The following EEFSEC variants were observed in gnomAD, a reference collection of about 807,000 sequenced individuals.
The protein encoded by EEFSEC is selenocysteine-specific elongation factor.
A neutral mutation model predicts 42.1 loss-of-function variants in EEFSEC; 43 were observed. The observed-to-expected ratio is 1.02, with a 90% CI of 0.80 to 1.32. EEFSEC has a LOEUF of 1.32. EEFSEC is among the 40% of genes most tolerant of loss of function. EEFSEC has a pLI of 0.00. For synonymous variants in EEFSEC, 354 were observed against 339.1 expected, an observed-to-expected ratio of 1.04 and a Z score of -0.48; for missense variants, 745 against 803.6, an observed-to-expected ratio of 0.93 and a Z score of 0.88.
intron 1 of EEFSEC, among the ~76,000 whole-genome samples, chr3:128,196,858 G>A (rs1446230055): frequency 1.3e-5 from 2 of 152,146 alleles, no homozygotes; most frequent in Non-Finnish European, 2.9e-5. Flanking sequence ...CACAGTGTGG[G>A]GCATGCACTC....
chr3:128,334,686 C>T (rs911131679), intron 4 of EEFSEC, among the ~76,000 whole-genome samples: 6 of 152,268 alleles, frequency 3.9e-5, no homozygotes, highest in South Asian at 4.1e-4. Flanking sequence ...TTAGCAAGCA[C>T]GAACTTGAGT....
chr3:128,226,208 G>T (rs943187253), intron 1 of EEFSEC, among the ~76,000 whole-genome samples: 3 of 152,152 alleles, frequency 2.0e-5, no homozygotes, highest in African/African-American at 7.2e-5. Flanking sequence ...GGAGCTTGAC[G>T]AAGCTAGACA....
chr3:128,418,056 C>T, the EEFSEC span, among the ~76,000 whole-genome samples: 15 of 152,084 alleles, frequency 9.9e-5, no homozygotes, highest in African/African-American at 2.7e-4. Context: ...GCCCTTACCT[C>T]GGCATTCTGG....
chr3:128,339,849 C>T (rs980072616), intron 4 of EEFSEC, among the ~76,000 whole-genome samples: 25 of 152,184 alleles, frequency 1.6e-4, no homozygotes, highest in Non-Finnish European at 4.4e-5. Context: ...AGGCGAAAGG[C>T]ACGTCTTACA....
At chr3:128,386,399 T>TTCTG (rs1257086078) in intron 6 of EEFSEC, among the ~76,000 whole-genome samples, 2 of 152,122 alleles carry the variant, frequency 1.3e-5, no homozygotes, top group African/African-American at 4.8e-5. Context: ...AAGCAGGGTG[T>TTCTG]TCTGTCCATG....
chr3:128,275,938 GC>G (rs2066463712), intron 4 of EEFSEC, among the ~76,000 whole-genome samples: 1 of 152,188 alleles, frequency 6.6e-6, no homozygotes, highest in Admixed American at 6.5e-5. Context: ...AAGCACAGCT[GC>G]ACCCTGGAAT....
intron 6 of EEFSEC, among the ~76,000 whole-genome samples, chr3:128,376,432 G>A (rs991623694): frequency 3.9e-5 from 6 of 152,138 alleles, no homozygotes; most frequent in Admixed American, 6.5e-5. Flanking sequence ...GGCCAGCTTC[G>A]CTTCCTGAGC....
At chr3:128,421,448 A>C in the EEFSEC span, among the ~76,000 whole-genome samples, 1 of 151,974 alleles carries the variant, frequency 6.6e-6, no homozygotes, top group South Asian at 2.1e-4. Flanking sequence ...GGGGGTCCCA[A>C]GAACCGGGAT....
At chr3:128,264,520 T>A in intron 3 of EEFSEC, 97 bp from the exon 4 acceptor site, 1 of 1,416,460 alleles carries the variant, frequency 7.1e-7, no homozygotes, top group Non-Finnish European at 9.7e-7. Context: ...TTGGCAGCCT[T>A]GATGAACTGC....
chr3:128,387,636 A>T (rs572664823), intron 6 of EEFSEC, among the ~76,000 whole-genome samples: 131 of 152,228 alleles, frequency 8.6e-4, no homozygotes, highest in South Asian at 4.2e-3. Context: ...ATGGACTGGC[A>T]CGAAGAAGGA....
chr3:128,209,993 G>A lies in EEFSEC; in HGVS notation c.317-36843G>A, dbSNP rs906960822. 3.9e-5 allele frequency among the ~76,000 whole-genome samples: 6 copies of A among 152,240 alleles called. No homozygotes were observed. In the East Asian group the frequency reaches 9.6e-4, roughly 24 times the overall value. ...GGCAGTGGGGAACCACTGAAGGCTTGTAAACAGGAGCACCTTTCTTTGCTT... is the reference window on the plus strand; with the variant it reads ...GGCAGTGGGGAACCACTGAAGGCTTATAAACAGGAGCACCTTTCTTTGCTT... On this transcript the variant is annotated intron_variant, in intron 1 of 6. Transcript: ENST00000254730.
intron 4 of EEFSEC, among the ~76,000 whole-genome samples, chr3:128,294,494 G>T (rs1190132776): frequency 1.3e-5 from 2 of 152,244 alleles, no homozygotes; most frequent in African/African-American, 4.8e-5. Flanking sequence ...GTAAAGGAGA[G>T]TTTCAGAAGT....
chr3:128,334,167 C>T (rs548939662), intron 4 of EEFSEC, among the ~76,000 whole-genome samples: 3 of 152,324 alleles, frequency 2.0e-5, no homozygotes, highest in Admixed American at 1.3e-4. Flanking sequence ...ATCTGAGTCT[C>T]GAGGCAGGCC....
At chr3:128,371,713 T>G (rs1022024523) in intron 6 of EEFSEC, among the ~76,000 whole-genome samples, 3 of 152,150 alleles carry the variant, frequency 2.0e-5, no homozygotes, top group Non-Finnish European at 4.4e-5. Context: ...ATGTCCAGAA[T>G]AGATTCTACC....
intron 2 of EEFSEC, among the ~76,000 whole-genome samples, chr3:128,253,980 G>C (rs1317232210): frequency 2.0e-5 from 3 of 152,276 alleles, no homozygotes; most frequent in African/African-American, 7.2e-5. Context: ...AAAAAAATCT[G>C]ATTTTCTTCA....
At chr3:128,378,137 T>C (rs2067730806) in intron 6 of EEFSEC, among the ~76,000 whole-genome samples, 1 of 152,172 alleles carries the variant, frequency 6.6e-6, no homozygotes, top group African/African-American at 2.4e-5. Context: ...CCTGCAGATC[T>C]CCATAGTGTA....
intron 1 of EEFSEC, among the ~76,000 whole-genome samples, chr3:128,170,778 G>A (rs2065288355): frequency 6.6e-6 from 1 of 152,114 alleles, no homozygotes; most frequent in African/African-American, 2.4e-5. Flanking sequence ...TTGTAGGTTC[G>A]TTAATAGTTT....
chr3:128,196,369 G>A (rs748641360), intron 1 of EEFSEC, among the ~76,000 whole-genome samples: 26 of 152,232 alleles, frequency 1.7e-4, no homozygotes, highest in Admixed American at 6.5e-4. Context: ...GTTGTTGTGC[G>A]TATCATGGGA....
At chr3:128,369,011 G>T (rs2067623099) in intron 6 of EEFSEC, among the ~76,000 whole-genome samples, 1 of 152,250 alleles carries the variant, frequency 6.6e-6, no homozygotes. Flanking sequence ...GCCACAATGT[G>T]TGGTCTCTGT....
Sources: gnomAD v4.1 joint callset for allele counts (sites outside exome capture counted in the v4.1 genomes callset) on GRCh38, gnomAD v4.1.1 for gene constraint, MANE v1.5 for transcripts, NCBI Gene and HGNC (gene_info 2026-07-23, HGNC 2026-07-21) for gene names.